FGF14: variants seen among roughly 807,000 people sequenced by gnomAD.
FGF14 encodes the protein fibroblast growth factor 14.
FGF14 carries 5 observed loss-of-function variants against 25.5 expected under a neutral mutation model. That is an observed-to-expected ratio of 0.20 (90% CI 0.10 to 0.41). The LOEUF (loss-of-function observed/expected upper bound fraction) is 0.41, where lower values mean the gene tolerates loss of function less well. Among genes scored for constraint, FGF14 ranks in the 10% least tolerant of loss-of-function variants. The pLI is 1.00. For synonymous variants in FGF14, 138 were observed against 118.3 expected (o/e 1.17, Z -1.08); for missense variants, 222 against 320.1 (o/e 0.69, Z 2.34).
At chr13:102,364,315 C>CT (rs2057649358) in intron 1 of FGF14, among the ~76,000 whole-genome samples, 1 of 152,228 alleles carries the variant, frequency 6.6e-6, no homozygotes, top group African/African-American at 2.4e-5. Context: ...CATGACACTA[C>CT]TTTCATTCCA....
rs183043625 is a variant in FGF14 at position 101,907,485 on chromosome 13, A to C, written c.193+8968T>G. Among the ~76,000 whole-genome samples the C allele has an allele frequency of 8.5e-5, 13 of 152,286 alleles. No individual in the cohort carries two copies. The East Asian group carries it at 1.9e-3, about 23-fold the overall frequency. On this transcript the variant is annotated intron_variant, in intron 1 of 4. Coordinates refer to ENST00000376143, the MANE Select transcript of FGF14 (RefSeq NM_004115.4). ...TATGAAAATTTGAATGCCAAATACT[A>C]TACGGGTAGGATAAGAACTGAAAAC...
intron 1 of FGF14, among the ~76,000 whole-genome samples, chr13:102,244,844 GTT>G (rs1218127613): frequency 6.6e-6 from 1 of 151,980 alleles, no homozygotes; most frequent in Non-Finnish European, 1.5e-5. Context: ...ACATGTTTCT[GTT>G]AACACACATA....
intron 1 of FGF14, among the ~76,000 whole-genome samples, chr13:102,315,742 T>G (rs2055989936): frequency 6.6e-6 from 1 of 152,194 alleles, no homozygotes. Flanking sequence ...CCTGTGTACC[T>G]TAGGGAGAAC....
intron 1 of FGF14, among the ~76,000 whole-genome samples, chr13:102,123,604 T>TAA (rs1594048193): frequency 6.6e-6 from 1 of 151,654 alleles, no homozygotes; most frequent in South Asian, 2.1e-4. Context: ...ACTATGAAGC[T>TAA]GTCCTTAGAT....
chr13:102,306,656 CA>C (rs572838188), intron 1 of FGF14, among the ~76,000 whole-genome samples: 62 of 152,202 alleles, frequency 4.1e-4, no homozygotes, highest in Middle Eastern at 3.4e-3. Context: ...ATAATAATCA[CA>C]TAAGTATTTC....
rs2034790938 is a variant in FGF14, at chr13:101,718,022, C to G, written c.*4809G>C. The G allele has an allele frequency of 6.6e-6, 1 of 151,842 alleles. No homozygotes were observed. The highest frequency in any genetic ancestry group is 2.4e-5 in the African/African-American group (1 of 41,344). 9.4% of individuals were successfully genotyped at this position (151,842 alleles called of 1,614,324 possible). On this transcript the variant is annotated 3_prime_UTR_variant, in exon 5 of 5. Transcript: ENST00000376143. Reference sequence around the variant, plus strand: ...TTAGATATTGGAGAAATTATCATACCATAAAAAGTTCAAAATGTGATTCAT... The same window carrying G: ...TTAGATATTGGAGAAATTATCATACGATAAAAAGTTCAAAATGTGATTCAT...
At chr13:101,986,900 C>T (rs2038612114) in intron 1 of FGF14, among the ~76,000 whole-genome samples, 1 of 150,954 alleles carries the variant, frequency 6.6e-6, no homozygotes, top group East Asian at 2.0e-4. Context: ...CTCTTTGTCT[C>T]TGTCTTTCTC....
intron 3 of FGF14, among the ~76,000 whole-genome samples, chr13:101,848,376 T>C (rs1475742678): frequency 6.6e-6 from 1 of 151,998 alleles, no homozygotes. Context: ...CCTACTCCAG[T>C]TGTCTTTCCA....
intron 1 of FGF14, among the ~76,000 whole-genome samples, chr13:102,104,881 C>T (rs2044831247): frequency 6.6e-6 from 1 of 152,156 alleles, no homozygotes; most frequent in Non-Finnish European, 1.5e-5. Flanking sequence ...CCCCTGAAAT[C>T]ACCATCCTTG....
At chr13:102,113,054 C>A (rs953243269) in intron 1 of FGF14, among the ~76,000 whole-genome samples, 2 of 152,168 alleles carry the variant, frequency 1.3e-5, no homozygotes, top group African/African-American at 4.8e-5. Context: ...TCATGGAGTA[C>A]AATTAGTTTG....
At chr13:102,376,021 CAATA>C (rs2058032715) in intron 1 of FGF14, among the ~76,000 whole-genome samples, 1 of 152,116 alleles carries the variant, frequency 6.6e-6, no homozygotes, top group Non-Finnish European at 1.5e-5. Flanking sequence ...GTTCTACTGT[CAATA>C]AAAATGCGTG....
At chr13:101,757,363 A>G (rs547744236) in intron 3 of FGF14, among the ~76,000 whole-genome samples, 11 of 152,224 alleles carry the variant, frequency 7.2e-5, no homozygotes, top group South Asian at 4.1e-4. Context: ...TATATTTTGA[A>G]TTGGAATTGA....
chr13:101,775,270 T>A (rs1371139650), intron 3 of FGF14, among the ~76,000 whole-genome samples: 1 of 152,194 alleles, frequency 6.6e-6, no homozygotes, highest in African/African-American at 2.4e-5. Context: ...ATTTTGGCAC[T>A]TCTGTGAACT....
intron 1 of FGF14, among the ~76,000 whole-genome samples, chr13:102,121,782 CA>C (rs1429181974): frequency 2.0e-5 from 3 of 152,138 alleles, no homozygotes; most frequent in Non-Finnish European, 4.4e-5. Context: ...GTGTTCTGAA[CA>C]AAGTTAATGG....
chr13:102,167,857 T>C (rs1030535193), intron 1 of FGF14, among the ~76,000 whole-genome samples: 4 of 151,782 alleles, frequency 2.6e-5, no homozygotes, highest in African/African-American at 9.7e-5. Context: ...GGGGAGTCAA[T>C]TCATAAGAGA....
chr13:102,141,560 C>A (rs1256060790), intron 1 of FGF14, among the ~76,000 whole-genome samples: 1 of 152,162 alleles, frequency 6.6e-6, no homozygotes, highest in East Asian at 1.9e-4. Context: ...ACAAAAGGAA[C>A]CTGAAAATCA....
chr13:102,063,175 G>A (rs752028460), intron 1 of FGF14, among the ~76,000 whole-genome samples: 7 of 152,122 alleles, frequency 4.6e-5, no homozygotes, highest in Non-Finnish European at 8.8e-5. Context: ...TGAAATGAAT[G>A]ACTGTAGGAC....
chr13:102,281,480 G>A (rs1410302678), intron 1 of FGF14, among the ~76,000 whole-genome samples: 4 of 152,018 alleles, frequency 2.6e-5, no homozygotes, highest in African/African-American at 9.7e-5. Context: ...GAGGAAACAA[G>A]CCCCTACCGC....
At chr13:102,316,905 A>T (rs1289849125) in intron 1 of FGF14, among the ~76,000 whole-genome samples, 1 of 152,124 alleles carries the variant, frequency 6.6e-6, no homozygotes. Flanking sequence ...ATCTTTCAGG[A>T]TGATTGAGAT....
Sources: gnomAD v4.1 joint callset for allele counts (sites outside exome capture counted in the v4.1 genomes callset) on GRCh38, gnomAD v4.1.1 for gene constraint, MANE v1.5 for transcripts, NCBI Gene and HGNC (gene_info 2026-07-23, HGNC 2026-07-21) for gene names.